PIK3C2G: variants seen among roughly 807,000 people sequenced by gnomAD.
PIK3C2G encodes the protein phosphatidylinositol-4-phosphate 3-kinase catalytic subunit type 2 gamma, also known as phosphatidylinositol 3-kinase C2 domain-containing subunit gamma.
PIK3C2G carries 168 observed loss-of-function variants against 181.1 expected under a neutral mutation model. The ratio of observed to expected loss-of-function variants is 0.93; its 90% CI spans 0.82 to 1.05. The LOEUF (loss-of-function observed/expected upper bound fraction) is 1.05. Ranked by LOEUF, PIK3C2G falls within the 50% of genes least tolerant of loss-of-function variation. The pLI, the probability that PIK3C2G is intolerant of heterozygous loss-of-function variation, is 0.00. For missense variants in PIK3C2G, 1,869 were observed against 1,732.8 expected (o/e 1.08, Z -1.40); for synonymous variants, 573 against 592.2 (o/e 0.97, Z 0.47).
chr12:18,473,899 A>AACTGAGCATGTGGGCT (rs75141286), intron 18 of PIK3C2G, among the ~76,000 whole-genome samples: 28,321 of 152,114 alleles, frequency 0.19, 3,545 homozygotes, highest in African/African-American at 0.36. Flanking sequence ...GTTTTTGGCA[A>AACTGAGCATGTGGGCT]AAACAGTATA....
chr12:18,523,161 C>A (rs1451133124), intron 24 of PIK3C2G, among the ~76,000 whole-genome samples: 2 of 151,996 alleles, frequency 1.3e-5, no homozygotes, highest in African/African-American at 4.8e-5. Context: ...AATTTTCTAT[C>A]TGAATTTTCT....
intron 18 of PIK3C2G, among the ~76,000 whole-genome samples, chr12:18,485,595 A>T (rs983196193): frequency 6.6e-6 from 1 of 152,144 alleles, no homozygotes; most frequent in African/African-American, 2.4e-5. Context: ...GCATTAAGGC[A>T]TGTGTACAAA....
At chr12:18,707,986 T>C in the PIK3C2G span, among the ~76,000 whole-genome samples, 2 of 152,174 alleles carry the variant, frequency 1.3e-5, no homozygotes, top group Non-Finnish European at 2.9e-5. Flanking sequence ...TATCCATCAT[T>C]TCACAGTTAC....
At position 18,282,266 on chromosome 12, in the gene PIK3C2G, C is replaced by T. The variant is rs764719908; in HGVS notation, c.185C>T (p.Thr62Ile). Residue 62 changes from threonine to isoleucine, a missense_variant, in exon 2 of 33, where the codon ACC (threonine) becomes ATC (isoleucine). By Grantham distance (89) the Thr-to-Ile change is moderately conservative. Transcript: ENST00000538779. ...PHYESEIDEN[T>I]FFVPTAPKWD... ...TACGAGAGTGAAATTGATGAAAACACCTTTTTTGTGCCCACTGCACCAAAA... is the reference window on the plus strand; with the variant it reads ...TACGAGAGTGAAATTGATGAAAACATCTTTTTTGTGCCCACTGCACCAAAA... 8 of 1,613,538 alleles carry T rather than the reference C, an allele frequency of 5.0e-6. No homozygotes were observed. The South Asian group carries it at 5.5e-5, about 11-fold the overall frequency.
intron 5 of PIK3C2G, among the ~76,000 whole-genome samples, chr12:18,295,541 T>G (rs538263435): frequency 4.6e-4 from 68 of 149,410 alleles, no homozygotes; most frequent in Non-Finnish European, 8.8e-4. Context: ...ACACCTTGAT[T>G]TAATCATTGT....
intron 7 of PIK3C2G, among the ~76,000 whole-genome samples, chr12:18,321,705 T>C (rs1951116178): frequency 6.6e-6 from 1 of 152,116 alleles, no homozygotes; most frequent in Non-Finnish European, 1.5e-5. Context: ...GATCAACCCA[T>C]ATGCCCATCA....
intron 24 of PIK3C2G, among the ~76,000 whole-genome samples, chr12:18,521,776 T>G (rs368122216): frequency 6.6e-6 from 1 of 152,222 alleles, no homozygotes; most frequent in African/African-American, 2.4e-5. Flanking sequence ...CAACTGCAGC[T>G]GTGGTGCTGG....
chr12:18,428,383 T>A (rs1945960166), intron 18 of PIK3C2G, among the ~76,000 whole-genome samples: 1 of 152,072 alleles, frequency 6.6e-6, no homozygotes, highest in South Asian at 2.1e-4. Context: ...TTATGAGATT[T>A]TTTTTCACGT....
rs1481686848 is a variant in PIK3C2G, at chr12:18,457,245, A to G, written c.2505-31204A>G. On this transcript the variant is annotated intron_variant, in intron 18 of 32. Coordinates refer to ENST00000538779, the MANE Select transcript of PIK3C2G (RefSeq NM_001288772.2). ...ATAAATATAAAATTGATGTTCGCAG[A>G]GAATAGTTAAGTGCTTTCCTTTGAT... is the stretch of plus-strand genomic sequence containing the variant. Among the ~76,000 whole-genome samples the G allele has an allele frequency of 2.0e-5, 3 of 152,178 alleles. No homozygotes were observed. In the East Asian group the frequency reaches 5.8e-4, roughly 29 times the overall value.
At chr12:18,666,334 T>C in the PIK3C2G span, among the ~76,000 whole-genome samples, 1 of 152,088 alleles carries the variant, frequency 6.6e-6, no homozygotes, top group Non-Finnish European at 1.5e-5. Context: ...TCCAATTATA[T>C]ACTGTCTACA....
the PIK3C2G span, among the ~76,000 whole-genome samples, chr12:18,662,016 A>G: frequency 6.6e-6 from 1 of 152,166 alleles, no homozygotes; most frequent in Non-Finnish European, 1.5e-5. Flanking sequence ...TAAGTGAACT[A>G]ACGCAGGAAC....
intron 29 of PIK3C2G, among the ~76,000 whole-genome samples, chr12:18,575,234 C>T (rs1946173253): frequency 6.6e-6 from 1 of 152,052 alleles, no homozygotes; most frequent in South Asian, 2.1e-4. Context: ...ATTATAGTTC[C>T]TATATGGTGC....
the PIK3C2G span, chr12:18,694,934 A>G: frequency 6.2e-7 from 1 of 1,600,606 alleles, no homozygotes; most frequent in Admixed American, 1.7e-5. Context: ...TAATTGGCAT[A>G]CCCTCTTTTA....
the PIK3C2G span, among the ~76,000 whole-genome samples, chr12:18,654,440 C>A: frequency 6.6e-6 from 1 of 152,038 alleles, no homozygotes; most frequent in Non-Finnish European, 1.5e-5. Context: ...AATCAAATCA[C>A]CTTTTCCTTC....
At chr12:18,357,458 T>C (rs1940851816) in intron 11 of PIK3C2G, among the ~76,000 whole-genome samples, 1 of 152,206 alleles carries the variant, frequency 6.6e-6, no homozygotes, top group Non-Finnish European at 1.5e-5. Context: ...ATTAAATGTT[T>C]AAAAATCTAA....
At chr12:18,665,892 G>A in the PIK3C2G span, among the ~76,000 whole-genome samples, 2,642 of 148,714 alleles carry the variant, frequency 0.018, 42 homozygotes, top group Middle Eastern at 0.056. Flanking sequence ...CCAAGATCGC[G>A]CCATTGTACT....
rs74413698 is a variant in PIK3C2G at position 18,580,144 on chromosome 12, A to G, written c.4011+13087A>G. On this transcript the variant is annotated intron_variant, in intron 29 of 32. Transcript: ENST00000538779. ...AAGACTCTGTCTCAAAAAAAAAAAA[A>G]AGAGAGAGAGAGAGTAATAGAAACA... Among the ~76,000 whole-genome samples, 899 of 151,048 alleles carry G rather than the reference A, an allele frequency of 6.0e-3. 5 individuals carry two copies. Among genetic ancestry groups the G allele is most frequent in the African/African-American group, 0.019 (804 of 41,294 alleles).
At chr12:18,354,123 C>T (rs1281343846) in intron 11 of PIK3C2G, among the ~76,000 whole-genome samples, 1 of 152,352 alleles carries the variant, frequency 6.6e-6, no homozygotes, top group East Asian at 1.9e-4. Context: ...TTCAAAGTAA[C>T]ATAACGTCTT....
chr12:18,691,019 C>A, the PIK3C2G span, among the ~76,000 whole-genome samples: 1 of 152,146 alleles, frequency 6.6e-6, no homozygotes, highest in Admixed American at 6.5e-5. Flanking sequence ...AGGACTGAGA[C>A]AGGCTACCTG....
Sources: gnomAD v4.1 joint callset for allele counts (sites outside exome capture counted in the v4.1 genomes callset) on GRCh38, gnomAD v4.1.1 for gene constraint, MANE v1.5 for transcripts, NCBI Gene and HGNC (gene_info 2026-07-23, HGNC 2026-07-21) for gene names.